The following LRP2 variants were observed in gnomAD, a reference collection of about 807,000 sequenced individuals.
LRP2 encodes the protein low-density lipoprotein receptor-related protein 2.
In LRP2, 172 loss-of-function variants were observed where a neutral mutation model predicts 531.0. The observed-to-expected ratio is 0.32, with a 90% CI of 0.29 to 0.37. The LOEUF (loss-of-function observed/expected upper bound fraction) is 0.37, where lower values mean the gene tolerates loss of function less well. LRP2 is among the 10% of genes least tolerant of loss of function. The pLI is 1.00. For synonymous variants in LRP2, 1,992 were observed against 2,027.6 expected (o/e 0.98, Z 0.47); for missense variants, 5,167 against 5,868.3 (o/e 0.88, Z 3.90).
At chr2:169,292,867 A>T (rs534998236) in intron 6 of LRP2, among the ~76,000 whole-genome samples, 1 of 151,090 alleles carries the variant, frequency 6.6e-6, no homozygotes, top group African/African-American at 2.4e-5. Context: ...AATTAAAAAC[A>T]AGATGGTTTG....
Position 169,284,256 on chromosome 2 carries a change from C to CTCTTTTTTTTTTTTTTTTTTTTTTTTTT in LRP2, c.1043-1256_1043-1255insAAAAAAAAAAAAAAAAAAAAAAAAAAGA, listed in dbSNP as rs1553508684. Among the ~76,000 whole-genome samples, 15 of 96,666 alleles carry CTCTTTTTTTTTTTTTTTTTTTTTTTTTT rather than the reference C, an allele frequency of 1.6e-4. 2 individuals are homozygous for CTCTTTTTTTTTTTTTTTTTTTTTTTTTT. Among genetic ancestry groups the CTCTTTTTTTTTTTTTTTTTTTTTTTTTT allele is most frequent in the African/African-American group, 1.8e-4 (4 of 22,690 alleles). The allele number at this position is 96,666 out of a possible 152,430, so 63.4% of individuals were successfully genotyped here. A position where few individuals can be genotyped will look rare whatever the true frequency, so the allele number is the denominator to read the frequency against. ...CTTTTCTTTTCTTTTTCTTTTTTTT[C>CTCTTTTTTTTTTTTTTTTTTTTTTTTTT]TTTTTTTTTTTTTTTTTTTTTTTTT... is the stretch of plus-strand genomic sequence containing the variant. On this transcript the variant is annotated intron_variant, in intron 9 of 78. Transcript: ENST00000649046.
chr2:169,157,071 G>T lies in LRP2; in HGVS notation c.12019+300C>A, dbSNP rs532547092. On this transcript the variant is annotated intron_variant, in intron 64 of 78. Transcript: ENST00000649046. ...CTAGTTTGTTTTTTAAATTAACTTT[G>T]ATTTCACACACTGGTGCAATAAGCA... 7.9e-5 allele frequency among the ~76,000 whole-genome samples: 12 copies of T among 152,194 alleles called. No individual in the cohort carries two copies. The South Asian group carries it at 2.5e-3, about 32-fold the overall frequency.
chr2:169,349,614 A>G lies in LRP2; in HGVS notation c.79+12707T>C, dbSNP rs1263492400. 2.0e-5 allele frequency among the ~76,000 whole-genome samples: 3 copies of G among 152,180 alleles called. No homozygotes were observed. The East Asian group carries it at 5.8e-4, about 29-fold the overall frequency. On this transcript the variant is annotated intron_variant, in intron 1 of 78. Coordinates refer to ENST00000649046, the MANE Select transcript of LRP2 (RefSeq NM_004525.3). ...TATGAGGAAGGACTTTCTTCCTGCA[A>G]TCAGCTCCTTTGGGGTCTGCCTCAG...
At chr2:169,332,603 T>C (rs1336533850) in intron 1 of LRP2, among the ~76,000 whole-genome samples, 2 of 152,158 alleles carry the variant, frequency 1.3e-5, no homozygotes, top group African/African-American at 4.8e-5. Flanking sequence ...CAAATTCAGA[T>C]TGAAGCAGTA....
At chr2:169,175,053 A>T in intron 55 of LRP2, 140 bp downstream of exon 55, 1 of 758,022 alleles carries the variant, frequency 1.3e-6, no homozygotes, top group East Asian at 2.7e-5. Context: ...ATAAAAATAG[A>T]AAAAGGATGG....
chr2:169,246,348 C>A (rs1411224432), intron 21 of LRP2, among the ~76,000 whole-genome samples: 1 of 152,150 alleles, frequency 6.6e-6, no homozygotes, highest in Non-Finnish European at 1.5e-5. Context: ...CTTAAGCAAT[C>A]CTCCTGTCTC....
Position 169,272,967 on chromosome 2 carries a change from T to C in LRP2, c.2076A>G (p.Thr692=), listed in dbSNP as rs772992405. 13 of 1,613,630 alleles carry C rather than the reference T, an allele frequency of 8.1e-6. No homozygotes were observed. The highest frequency in any genetic ancestry group is 1.6e-4 in the Middle Eastern group (1 of 6,074). ...CATCTGTATCCAGTTGGAAGCCGAA[T>C]GTGCACTTGCAACGGAAACCCAAAC... The part of the protein sequence containing the change: ...NDGLGFRCKC[T]FGFQLDTDER... The change falls in exon 15 of 79, where the codon ACA becomes ACG. Residue 692 remains threonine (T), a synonymous_variant. Coordinates refer to ENST00000649046, the MANE Select transcript of LRP2 (RefSeq NM_004525.3).
chr2:169,299,525 G>C (rs917637352), intron 4 of LRP2, among the ~76,000 whole-genome samples: 1 of 142,062 alleles, frequency 7.0e-6, no homozygotes, highest in Non-Finnish European at 1.5e-5. Flanking sequence ...AACTGACATA[G>C]TTCTAAATTC....
At chr2:169,231,948 G>A (rs185320526) in intron 30 of LRP2, 106 bp from the exon 31 acceptor site, 2 of 1,363,216 alleles carry the variant, frequency 1.5e-6, no homozygotes, top group Non-Finnish European at 2.1e-6. Context: ...GTACAGGGGG[G>A]CTTAAGTACG....
At chr2:169,286,821 T>C (rs1374075755) in intron 9 of LRP2, among the ~76,000 whole-genome samples, 1 of 152,164 alleles carries the variant, frequency 6.6e-6, no homozygotes, top group Non-Finnish European at 1.5e-5. Flanking sequence ...CCAACTCCTC[T>C]TTGGGAGTTG....
At chr2:169,241,718 A>T (rs1205029179) in intron 24 of LRP2, among the ~76,000 whole-genome samples, 2 of 152,230 alleles carry the variant, frequency 1.3e-5, no homozygotes, top group African/African-American at 4.8e-5. Flanking sequence ...CTATGAAAGA[A>T]TCACCAGAAC....
chr2:169,223,438 G>A (rs1439516432), intron 33 of LRP2, among the ~76,000 whole-genome samples: 2 of 152,206 alleles, frequency 1.3e-5, no homozygotes, highest in African/African-American at 2.4e-5. Flanking sequence ...TTGCCATTTG[G>A]AATTAAGACA....
intron 68 of LRP2, among the ~76,000 whole-genome samples, chr2:169,149,193 A>G (rs1429836414): frequency 6.6e-6 from 1 of 152,230 alleles, no homozygotes; most frequent in African/African-American, 2.4e-5. Flanking sequence ...ATGAGTTTAT[A>G]TATGTAGGAC....
intron 16 of LRP2, among the ~76,000 whole-genome samples, chr2:169,264,651 G>T (rs904952514): frequency 3.3e-5 from 5 of 151,932 alleles, no homozygotes; most frequent in Admixed American, 6.6e-5. Context: ...GTTAAGAAGG[G>T]GAAAATGCTA....
At chr2:169,334,391 A>G (rs1430078481) in intron 1 of LRP2, among the ~76,000 whole-genome samples, 1 of 152,218 alleles carries the variant, frequency 6.6e-6, no homozygotes, top group Admixed American at 6.5e-5. Context: ...AAATAAAATG[A>G]TATTAGAGTG....
At chr2:169,323,046 TAG>T (rs1684946391) in intron 1 of LRP2, among the ~76,000 whole-genome samples, 1 of 152,062 alleles carries the variant, frequency 6.6e-6, no homozygotes, top group Non-Finnish European at 1.5e-5. Flanking sequence ...GAACACAAAA[TAG>T]AGACTCAAAA....
intron 10 of LRP2, among the ~76,000 whole-genome samples, chr2:169,282,200 G>A (rs1038508273): frequency 3.3e-5 from 5 of 152,188 alleles, no homozygotes; most frequent in Non-Finnish European, 7.3e-5. Context: ...AGTTTCAGAA[G>A]ACACCAAAGA....
chr2:169,212,316 C>A, intron 36 of LRP2, 109 bp from the exon 37 acceptor site: 1 of 1,388,586 alleles, frequency 7.2e-7, no homozygotes, highest in African/African-American at 1.4e-5. Context: ...AATTAATAAC[C>A]AACATATAGT....
At position 169,128,615 on chromosome 2, in the gene LRP2, A is replaced by G. The variant is rs762460340; in HGVS notation, c.*48T>C. ...CTTTTTTCATCTGTTTGTAAAAAAT[A>G]TATGTGCAAAAGTGTGTTTCTAATT... On this transcript the variant is annotated 3_prime_UTR_variant, in exon 79 of 79. Coordinates refer to ENST00000649046, the MANE Select transcript of LRP2 (RefSeq NM_004525.3). 34 of 1,558,800 alleles carry G rather than the reference A, an allele frequency of 2.2e-5. No individual in the cohort carries two copies. The highest frequency in any genetic ancestry group is 5.0e-5 in the Admixed American group (3 of 59,776).
Sources: gnomAD v4.1 joint callset for allele counts (sites outside exome capture counted in the v4.1 genomes callset) on GRCh38, gnomAD v4.1.1 for gene constraint, MANE v1.5 for transcripts, NCBI Gene and HGNC (gene_info 2026-07-23, HGNC 2026-07-21) for gene names.